Variants in ZMYND8 observed in about 807,000 individuals in gnomAD.
ZMYND8 encodes MYND-type zinc finger-containing chromatin reader ZMYND8.
ZMYND8 carries 37 observed loss-of-function variants against 140.8 expected under a neutral mutation model. That is an observed-to-expected ratio of 0.26 (90% CI 0.20 to 0.35). The LOEUF (loss-of-function observed/expected upper bound fraction) is 0.35, where lower values mean the gene tolerates loss of function less well. Among genes scored for constraint, ZMYND8 ranks in the 10% least tolerant of loss-of-function variants. The pLI is 1.00. For missense variants in ZMYND8, 1,068 were observed against 1,570.0 expected (o/e 0.68, Z 5.40); for synonymous variants, 592 against 597.1 (o/e 0.99, Z 0.12).
At chr20:47,347,809 A>T (rs199954734) in intron 2 of ZMYND8, 47 bp downstream of exon 2, 3 of 1,595,912 alleles carry the variant, frequency 1.9e-6, no homozygotes, top group Non-Finnish European at 2.6e-6. Context: ...AAGAAATTCC[A>T]ATTTCCTCCT....
chr20:47,212,567 G>A (rs778072123), intron 22 of ZMYND8, 75 bp downstream of exon 22: 70 of 1,507,370 alleles, frequency 4.6e-5, no homozygotes, highest in African/African-American at 6.9e-5. Flanking sequence ...ACACATACAC[G>A]GACACACACA....
rs530127745 is a variant in ZMYND8, at chr20:47,256,386, G to A, written c.1621+5902C>T. 4.1e-3 allele frequency among the ~76,000 whole-genome samples: 623 copies of A among 152,290 alleles called. 3 individuals carry two copies. The highest frequency in any genetic ancestry group is 0.014 in the African/African-American group (565 of 41,568). On this transcript the variant is annotated intron_variant, in intron 12 of 22. Transcript: ENST00000471951. ...TGTAATCCCAGCACTTTGGGAGGCC[G>A]AGGCGAGTGGATCACGAGGTCAGGA...
At chr20:47,235,587 G>C (rs1026182653) in intron 16 of ZMYND8, among the ~76,000 whole-genome samples, 2 of 151,996 alleles carry the variant, frequency 1.3e-5, no homozygotes, top group African/African-American at 2.4e-5. Flanking sequence ...CGTGCCTGTA[G>C]TCCCAGCTAC....
At chr20:47,271,707 G>A (rs2075957859) in intron 11 of ZMYND8, among the ~76,000 whole-genome samples, 1 of 152,258 alleles carries the variant, frequency 6.6e-6, no homozygotes. Context: ...TTGAGATGGA[G>A]TCTCGCTCTG....
In ZMYND8 at chr20:47,221,437, G is replaced by A. The variant is rs1317788081; in HGVS notation, c.3294C>T (p.Asn1098=). ...APQQEADAEV[N]TETLNKSSQG... is the part of the protein sequence containing the mutation. ...GGGAGGACTTATTTAGTGTTTCTGT[G>A]TTCACCTCAGCATCCGCTTCCTGCT... Residue 1098 remains asparagine (N), a synonymous_variant, in exon 20 of 23, where the codon AAC becomes AAT. Transcript: ENST00000471951. 6.2e-7 allele frequency: 1 copy of A among 1,614,136 alleles called. No homozygotes were observed. The highest frequency in any genetic ancestry group is 1.3e-5 in the African/African-American group (1 of 75,048).
At chr20:47,231,758 T>C (rs917119554) in intron 16 of ZMYND8, among the ~76,000 whole-genome samples, 1 of 152,260 alleles carries the variant, frequency 6.6e-6, no homozygotes, top group Non-Finnish European at 1.5e-5. Flanking sequence ...CCTTGCTCTG[T>C]TGCACCCACT....
chr20:47,212,535 G>C (rs1484166612), intron 22 of ZMYND8, 107 bp downstream of exon 22: 3 of 1,286,548 alleles, frequency 2.3e-6, no homozygotes, highest in Non-Finnish European at 3.4e-6. Context: ...AAAAGAACAG[G>C]AGAAGACACA....
chr20:47,233,271 G>A (rs942127178), intron 16 of ZMYND8, among the ~76,000 whole-genome samples: 1 of 148,042 alleles, frequency 6.8e-6, no homozygotes, highest in Admixed American at 6.8e-5. Flanking sequence ...GTGCAATGGT[G>A]CAATCACAGC....
chr20:47,334,778 T>G (rs2081264459), intron 2 of ZMYND8, among the ~76,000 whole-genome samples: 1 of 151,788 alleles, frequency 6.6e-6, no homozygotes, highest in African/African-American at 2.4e-5. Context: ...CTCAGCTAAT[T>G]TTTTGTATTT....
chr20:47,282,593 C>T (rs2076672544), intron 9 of ZMYND8, among the ~76,000 whole-genome samples: 1 of 152,046 alleles, frequency 6.6e-6, no homozygotes, highest in Non-Finnish European at 1.5e-5. Context: ...GGCGTGGTGG[C>T]ACACGCCTGT....
chr20:47,299,723 A>AGTCC (rs2077881990), intron 3 of ZMYND8, among the ~76,000 whole-genome samples: 1 of 152,062 alleles, frequency 6.6e-6, no homozygotes, highest in African/African-American at 2.4e-5. Context: ...AGCTGGGACT[A>AGTCC]CAGGCGTGTG....
chr20:47,248,703 TTCC>T (rs2073925282), intron 13 of ZMYND8, among the ~76,000 whole-genome samples: 1 of 152,182 alleles, frequency 6.6e-6, no homozygotes, highest in African/African-American at 2.4e-5. Context: ...CCATTGCTAC[TTCC>T]GAGCAATGAA....
chr20:47,287,057 A>C (rs1051937817), intron 8 of ZMYND8, among the ~76,000 whole-genome samples, 172 bp downstream of exon 8: 1 of 152,146 alleles, frequency 6.6e-6, no homozygotes, highest in Non-Finnish European at 1.5e-5. Context: ...GTTTTATAAT[A>C]TACTCGGGCC....
intron 2 of ZMYND8, among the ~76,000 whole-genome samples, chr20:47,346,341 G>A (rs937930357): frequency 6.6e-6 from 1 of 152,134 alleles, no homozygotes; most frequent in African/African-American, 2.4e-5. Flanking sequence ...GTCCCTGGTG[G>A]CTCAGCTCTC....
At position 47,236,391 on chromosome 20, in the gene ZMYND8, C is replaced by G; in HGVS notation, c.2791G>C (p.Ala931Pro). 1 of 1,614,174 alleles carries G rather than the reference C, an allele frequency of 6.2e-7. No homozygotes were observed. The highest frequency in any genetic ancestry group is 8.5e-7 in the Non-Finnish European group (1 of 1,180,044). ...GAGGCAGTGGCGATGGGCAGGTCAGCGTTGACTGAGGACACAAGGGTGCTC... is the reference window on the plus strand; with the variant it reads ...GAGGCAGTGGCGATGGGCAGGTCAGGGTTGACTGAGGACACAAGGGTGCTC... ...SMSTLVSSVNADLPIATASAD... is the reference protein window; with the variant it reads ...SMSTLVSSVNPDLPIATASAD... Residue 931 changes from alanine to proline, a missense_variant, in exon 16 of 23, where the codon GCT (alanine) becomes CCT (proline). By Grantham distance (27) the Ala-to-Pro change is conservative. Coordinates refer to ENST00000471951, the MANE Select transcript of ZMYND8 (RefSeq NM_001281775.3).
intron 20 of ZMYND8, 108 bp from the exon 21 acceptor site, chr20:47,220,432 C>T: frequency 1.1e-6 from 1 of 907,726 alleles, no homozygotes; most frequent in Non-Finnish European, 1.7e-6. Flanking sequence ...CCCAAAGCAT[C>T]TCAGTGTCCT....
chr20:47,355,475 C>T (rs2083145737), intron 1 of ZMYND8: 2 of 985,316 alleles, frequency 2.0e-6, no homozygotes, highest in African/African-American at 3.5e-5. Context: ...GCAACCGTCT[C>T]ATTTTTCCAC....
intron 19 of ZMYND8, among the ~76,000 whole-genome samples, chr20:47,222,785 T>C (rs1259800947): frequency 5.3e-5 from 8 of 152,234 alleles, no homozygotes; most frequent in South Asian, 2.1e-4. Flanking sequence ...TTCTCCAATA[T>C]TGCCTTTTAA....
At chr20:47,236,249 C>A in intron 16 of ZMYND8, 77 bp downstream of exon 16, 1 of 1,578,706 alleles carries the variant, frequency 6.3e-7, no homozygotes. Flanking sequence ...GACGCTCACG[C>A]TTCCCCTCGG....
Sources: gnomAD v4.1 joint callset for allele counts (sites outside exome capture counted in the v4.1 genomes callset) on GRCh38, gnomAD v4.1.1 for gene constraint, MANE v1.5 for transcripts, NCBI Gene and HGNC (gene_info 2026-07-23, HGNC 2026-07-21) for gene names.